The following LY86 variants were observed in gnomAD, a reference collection of about 807,000 sequenced individuals.
LY86 encodes lymphocyte antigen 86.
Under a neutral mutation model 17.3 loss-of-function variants are expected in LY86, and 20 were observed. The observed-to-expected ratio is 1.15, with a 90% CI of 0.81 to 1.68. The LOEUF (loss-of-function observed/expected upper bound fraction) is 1.68. LY86 is among the 40% of genes most tolerant of loss of function. The pLI is 0.00. For missense variants in LY86, 200 were observed against 191.9 expected (o/e 1.04, Z -0.25); for synonymous variants, 74 against 70.6 (o/e 1.05, Z -0.24).
intron 3 of LY86, among the ~76,000 whole-genome samples, chr6:6,641,879 C>T (rs1311441917): frequency 6.6e-6 from 1 of 152,232 alleles, no homozygotes; most frequent in African/African-American, 2.4e-5. Context: ...AGAGATGCAT[C>T]AGGGAGCTGA....
Position 6,654,907 on chromosome 6 carries a change from C to T in LY86, c.*280C>T. ...CCTTTTTCTCTAATTGGTCGCCTCC[C>T]ACCAGACTCACCTGCTTTTCAACTT... On this transcript the variant is annotated 3_prime_UTR_variant, in exon 5 of 5. Coordinates refer to ENST00000230568, the MANE Select transcript of LY86 (RefSeq NM_004271.4). 2 of 377,906 alleles carry T rather than the reference C, an allele frequency of 5.3e-6. No individual in the cohort carries two copies. Among genetic ancestry groups the T allele is most frequent in the Non-Finnish European group, 9.5e-6 (2 of 210,990 alleles). 23.4% of individuals were successfully genotyped at this position (377,906 alleles called of 1,614,324 possible).
intron 1 of LY86, among the ~76,000 whole-genome samples, chr6:6,615,088 A>T (rs903661979): frequency 1.3e-5 from 2 of 152,230 alleles, no homozygotes; most frequent in Non-Finnish European, 1.5e-5. Context: ...TAGACGTAGG[A>T]TCTCACGTTT....
chr6:6,601,163 C>T (rs1164638895), intron 1 of LY86, among the ~76,000 whole-genome samples: 1 of 148,084 alleles, frequency 6.8e-6, no homozygotes, highest in Non-Finnish European at 1.5e-5. Flanking sequence ...GAACAGGAGA[C>T]TCTTACGTAA....
At chr6:6,604,425 AAC>A (rs1174393279) in intron 1 of LY86, among the ~76,000 whole-genome samples, 1 of 152,244 alleles carries the variant, frequency 6.6e-6, no homozygotes, top group Non-Finnish European at 1.5e-5. Flanking sequence ...TTTAAAATGC[AAC>A]ATTTAATTGT....
chr6:6,602,656 G>A (rs375359902), intron 1 of LY86, among the ~76,000 whole-genome samples: 15 of 152,244 alleles, frequency 9.9e-5, no homozygotes, highest in East Asian at 5.8e-4. Flanking sequence ...GTGGGTAACT[G>A]GGGTTCAGTC....
chr6:6,628,552 G>GTC (rs1229201538), intron 3 of LY86, among the ~76,000 whole-genome samples: 1 of 151,720 alleles, frequency 6.6e-6, no homozygotes, highest in African/African-American at 2.4e-5. Context: ...CTCTCTGTCT[G>GTC]TCTCTCTCTC....
intron 3 of LY86, among the ~76,000 whole-genome samples, chr6:6,640,242 C>T (rs142767291): frequency 6.6e-6 from 1 of 152,114 alleles, no homozygotes; most frequent in African/African-American, 2.4e-5. Flanking sequence ...GGAGAGAAAA[C>T]CAGCTTCTAT....
intron 3 of LY86, among the ~76,000 whole-genome samples, chr6:6,633,911 T>G (rs1464976748): frequency 7.4e-6 from 1 of 135,936 alleles, no homozygotes; most frequent in African/African-American, 2.6e-5. Context: ...TGTGTGCATG[T>G]GTGTATACAC....
chr6:6,634,879 A>G (rs1177495539), intron 3 of LY86, among the ~76,000 whole-genome samples: 1 of 152,202 alleles, frequency 6.6e-6, no homozygotes, highest in Non-Finnish European at 1.5e-5. Flanking sequence ...TACTGCCTAG[A>G]TTTGGAAAAA....
intron 3 of LY86, among the ~76,000 whole-genome samples, chr6:6,637,375 T>G (rs943605747): frequency 6.6e-6 from 1 of 152,180 alleles, no homozygotes; most frequent in Non-Finnish European, 1.5e-5. Flanking sequence ...AATGCAAGCA[T>G]GTTTGTAAAT....
In LY86 at chr6:6,606,453, G is replaced by T. The variant is rs192444013; in HGVS notation, c.136+17583G>T. Among the ~76,000 whole-genome samples the T allele has an allele frequency of 2.0e-5, 3 of 152,344 alleles. No homozygotes were observed. The East Asian group carries it at 5.8e-4, about 29-fold the overall frequency. On this transcript the variant is annotated intron_variant, in intron 1 of 4. Transcript: ENST00000230568. ...GGGCGGCAGGTGGAGCTGCCTGCCA[G>T]TCCCACACCGCGCACCCGCACTCCT...
intron 3 of LY86, among the ~76,000 whole-genome samples, chr6:6,642,651 C>A (rs1283916145): frequency 6.6e-6 from 1 of 152,206 alleles, no homozygotes; most frequent in African/African-American, 2.4e-5. Context: ...CCCTAACTTA[C>A]CAGCTCCAAG....
chr6:6,605,753 G>A (rs1268865245), intron 1 of LY86, among the ~76,000 whole-genome samples: 1 of 152,200 alleles, frequency 6.6e-6, no homozygotes, highest in Non-Finnish European at 1.5e-5. Context: ...AGTGTGTCCA[G>A]AACTTATTCT....
At chr6:6,595,387 GAGA>G (rs1483070995) in intron 1 of LY86, among the ~76,000 whole-genome samples, 2 of 70,720 alleles carry the variant, frequency 2.8e-5, no homozygotes, top group Non-Finnish European at 8.6e-5. Context: ...GAGGGGAGAA[GAGA>G]AGGAGGAAAA....
chr6:6,597,154 T>C (rs1252994471), intron 1 of LY86, among the ~76,000 whole-genome samples: 1 of 152,180 alleles, frequency 6.6e-6, no homozygotes, highest in Admixed American at 6.5e-5. Flanking sequence ...CTGGGCATGG[T>C]TTCAGACCCA....
chr6:6,616,728 A>T (rs1385037694), intron 1 of LY86, among the ~76,000 whole-genome samples: 1 of 152,180 alleles, frequency 6.6e-6, no homozygotes, highest in Non-Finnish European at 1.5e-5. Flanking sequence ...AATCATATCT[A>T]GTTCATGACT....
intron 1 of LY86, among the ~76,000 whole-genome samples, chr6:6,613,586 C>T (rs1761461684): frequency 6.6e-6 from 1 of 152,166 alleles, no homozygotes; most frequent in East Asian, 1.9e-4. Flanking sequence ...TCGCTCTGGC[C>T]CGCAAGCGCC....
At chr6:6,603,418 T>C (rs1760976326) in intron 1 of LY86, among the ~76,000 whole-genome samples, 1 of 151,836 alleles carries the variant, frequency 6.6e-6, no homozygotes, top group South Asian at 2.1e-4. Context: ...TCTTCTTGTC[T>C]ACATAAAAAA....
chr6:6,611,560 T>C (rs1011591212), intron 1 of LY86, among the ~76,000 whole-genome samples: 32 of 152,338 alleles, frequency 2.1e-4, no homozygotes, highest in African/African-American at 7.5e-4. Context: ...TTAAGATGAA[T>C]GGACACAAAA....
Sources: allele counts gnomAD v4.1 joint callset (sites outside exome capture counted in the v4.1 genomes callset), GRCh38; gene constraint gnomAD v4.1.1; transcripts MANE v1.5; gene names NCBI Gene and HGNC (gene_info 2026-07-23, HGNC 2026-07-21).